SKA3: variants seen among roughly 807,000 people sequenced by gnomAD.
SKA3 encodes spindle and kinetochore associated complex subunit 3.
In SKA3, 39 loss-of-function variants were observed where a neutral mutation model predicts 44.2. The ratio of observed to expected loss-of-function variants is 0.88; its 90% CI spans 0.68 to 1.15. The LOEUF is 1.15. Ranked by LOEUF, SKA3 falls within the 50% of genes most tolerant of loss-of-function variation. The pLI, the probability that SKA3 is intolerant of heterozygous loss-of-function variation, is 0.00. For missense variants in SKA3, 511 were observed against 485.8 expected (o/e 1.05, Z -0.49); for synonymous variants, 192 against 172.0 (o/e 1.12, Z -0.91).
In SKA3 at chr13:21,156,824, GC is replaced by G. The variant is rs1870147132; in HGVS notation, c.1120-1014del. ...GCCTGTAATCCCAGCACTTTGGGAG[GC>G]CGAGGCGGGTGGATCATGAGGTCAG... On this transcript the variant is annotated intron_variant, in intron 7 of 8. Transcript: ENST00000314759. 5.6e-4 allele frequency among the ~76,000 whole-genome samples: 2 copies of G among 3,558 alleles called. 1 individual carries two copies. The highest frequency in any genetic ancestry group is 1.7e-3 in the Non-Finnish European group (2 of 1,144). 2.3% of individuals were successfully genotyped at this position (3,558 alleles called of 152,430 possible). A position where few individuals can be genotyped will look rare whatever the true frequency, so the allele number is the denominator to read the frequency against.
intron 5 of SKA3, 119 bp from the exon 6 acceptor site, chr13:21,160,106 G>T: frequency 1.8e-6 from 1 of 555,364 alleles, no homozygotes; most frequent in Non-Finnish European, 2.9e-6. Context: ...ATTCAGCAAG[G>T]ATGCAAGAGT....
chr13:21,168,143 T>C lies in SKA3; in HGVS notation c.588A>G (p.Ser196=), dbSNP rs773361619. The change falls in exon 4 of 9, where the codon TCA becomes TCG. Residue 196 remains serine (S), a synonymous_variant. Coordinates refer to ENST00000314759, the MANE Select transcript of SKA3 (RefSeq NM_145061.6). ...PVIVTPPTKQ[S]LVKVLKTPKC... ...TTGGAGTTTTTAGTACTTTTACTAG[T>C]GATTGTTTGGTAGGTGGGGTTACAA... 1.9e-6 allele frequency: 3 copies of C among 1,614,106 alleles called. No homozygotes were observed.
rs142890023 is a variant in SKA3 at position 21,155,744 on chromosome 13, C to T, written c.1187G>A (p.Arg396Lys). Reference protein sequence around the residue: ...IAIKAVPPSKRFLKHGQNIRD... With the variant: ...IAIKAVPPSKKFLKHGQNIRD... Reference sequence around the variant, plus strand: ...GATGTTCTGTCCATGTTTAAGGAACCTTTTACTGGGTGGCACTGCTTTAAT... The same window carrying T: ...GATGTTCTGTCCATGTTTAAGGAACTTTTTACTGGGTGGCACTGCTTTAAT... Residue 396 changes from arginine to lysine, a missense_variant, in exon 8 of 9, where the codon AGG (arginine) becomes AAG (lysine). Physicochemically the swap from Arg to Lys is conservative, Grantham distance 26. Transcript: ENST00000314759. 3.7e-6 allele frequency: 6 copies of T among 1,611,452 alleles called. No individual in the cohort carries two copies. The highest frequency in any genetic ancestry group is 4.2e-6 in the Non-Finnish European group (5 of 1,178,910).
chr13:21,153,874 G>A lies in SKA3; in HGVS notation c.*1276C>T, dbSNP rs1019022547. 5 of 152,166 alleles carry A rather than the reference G, an allele frequency of 3.3e-5. No individual in the cohort carries two copies. Among genetic ancestry groups the A allele is most frequent in the South Asian group, 2.1e-4 (1 of 4,832 alleles). The allele number at this position is 152,166 out of a possible 1,614,324, so 9.4% of individuals were successfully genotyped here. A position where few individuals can be genotyped will look rare whatever the true frequency, so the allele number is the denominator to read the frequency against. On this transcript the variant is annotated 3_prime_UTR_variant, in exon 9 of 9. Transcript: ENST00000314759. ...TTTCAGAGTCAATGGCATACATAAG[G>A]CTGACTACAGCTTTACTTTGAAAAA...
At chr13:21,169,398 AC>A (rs1870913263) in intron 3 of SKA3, among the ~76,000 whole-genome samples, 2 of 151,478 alleles carry the variant, frequency 1.3e-5, no homozygotes, top group Admixed American at 1.3e-4. Flanking sequence ...ACAGGGTTTC[AC>A]CATGTTGCCT....
chr13:21,172,342 A>C lies in SKA3; in HGVS notation c.328T>G (p.Ser110Ala). ...TATAAAATGAAGTTATTCAAACCTG[A>C]ATTTTTCTTGACACGTGGACTATAT... ...YGYSPRVKKN[S>A]VHEQEAINSD... is the part of the protein sequence containing the mutation. Residue 110 changes from serine (S) to alanine (A), a missense_variant, in exon 3 of 9, where the codon TCA becomes GCA. Transcript: ENST00000314759. The C allele has an allele frequency of 1.3e-6, 2 of 1,539,076 alleles. 1 individual carries two copies. The highest frequency in any genetic ancestry group is 2.5e-5 in the South Asian group (2 of 80,884).
chr13:21,173,566 T>C (rs1450777661), intron 1 of SKA3, among the ~76,000 whole-genome samples: 9 of 152,178 alleles, frequency 5.9e-5, no homozygotes, highest in Non-Finnish European at 1.2e-4. Context: ...CACCTTACCC[T>C]GATTTCTAAC....
At chr13:21,155,926 G>A (rs1244885552) in intron 7 of SKA3, 115 bp from the exon 8 acceptor site, 4 of 651,146 alleles carry the variant, frequency 6.1e-6, no homozygotes, top group Admixed American at 2.6e-5. Flanking sequence ...GGTGGCTCAC[G>A]CCTGCAGTTC....
At chr13:21,175,825 T>C (rs1871473561) in intron 1 of SKA3, among the ~76,000 whole-genome samples, 1 of 152,208 alleles carries the variant, frequency 6.6e-6, no homozygotes, top group Non-Finnish European at 1.5e-5. Flanking sequence ...GTTGGCAACA[T>C]GGTTTAGCGG....
Position 21,158,586 on chromosome 13 carries a change from A to C in SKA3, c.916-461T>G, listed in dbSNP as rs891144332. Among the ~76,000 whole-genome samples, 14 of 152,280 alleles carry C rather than the reference A, an allele frequency of 9.2e-5. No individual in the cohort carries two copies. The Middle Eastern group carries it at 0.01, about 111-fold the overall frequency. On this transcript the variant is annotated intron_variant, in intron 6 of 8. Transcript: ENST00000314759. ...CAGTGAGCCAAGATCGCGCCACTGC[A>C]CTCCAGCCTGGGTGACAGAGTGAGA...
rs534102002 is a variant in SKA3, at chr13:21,154,119, G to A, written c.*1031C>T. The A allele has an allele frequency of 7.2e-5, 11 of 152,290 alleles. No homozygotes were observed. In the South Asian group the frequency reaches 8.3e-4, roughly 11 times the overall value. 9.4% of individuals were successfully genotyped at this position (152,290 alleles called of 1,614,324 possible). A position where few individuals can be genotyped will look rare whatever the true frequency, so the allele number is the denominator to read the frequency against. ...TACTGCATCAAATTCCCAAAACTAC[G>A]CCTTTGAAGTAAGTTGACATAATAC... is the stretch of plus-strand genomic sequence containing the variant. On this transcript the variant is annotated 3_prime_UTR_variant, in exon 9 of 9. Coordinates refer to ENST00000314759, the MANE Select transcript of SKA3 (RefSeq NM_145061.6).
chr13:21,176,529 C>T lies in SKA3; in HGVS notation c.-52G>A. 1 of 1,010,340 alleles carries T rather than the reference C, an allele frequency of 9.9e-7. No individual in the cohort carries two copies. 62.6% of individuals were successfully genotyped at this position (1,010,340 alleles called of 1,614,324 possible). ...GGCGTACGCAGACCCCACCGCTCAG[C>T]TCACAGCCTCCCGCCACTAGTTTGA... On this transcript the variant is annotated 5_prime_UTR_variant, in exon 1 of 9. Coordinates refer to ENST00000314759, the MANE Select transcript of SKA3 (RefSeq NM_145061.6).
At chr13:21,173,240 G>A (rs973386176) in intron 1 of SKA3, among the ~76,000 whole-genome samples, 2 of 152,098 alleles carry the variant, frequency 1.3e-5, no homozygotes, top group African/African-American at 4.8e-5. Context: ...TCCCCACAAG[G>A]GTAAACTTTA....
chr13:21,175,103 G>A (rs962488401), intron 1 of SKA3, among the ~76,000 whole-genome samples: 1 of 151,538 alleles, frequency 6.6e-6, no homozygotes, highest in Non-Finnish European at 1.5e-5. Flanking sequence ...CAGCCTCCGA[G>A]TAGCTGGGAT....
Position 21,158,144 on chromosome 13 carries a change from C to T in SKA3, c.916-19G>A. The T allele has an allele frequency of 1.8e-6, 2 of 1,099,658 alleles. No individual in the cohort carries two copies. Among genetic ancestry groups the T allele is most frequent in the Non-Finnish European group, 2.5e-6 (2 of 800,230 alleles). The allele number at this position is 1,099,658 out of a possible 1,614,324, so 68.1% of individuals were successfully genotyped here. ...TGGATACCTATTGAATAAAAATAGA[C>T]CATTAAATTATGGTAATATAACATA... is the stretch of plus-strand genomic sequence containing the variant. On this transcript the variant is annotated intron_variant, in intron 6 of 8. Coordinates refer to ENST00000314759, the MANE Select transcript of SKA3 (RefSeq NM_145061.6).
At chr13:21,159,150 A>G (rs940047772) in intron 6 of SKA3, among the ~76,000 whole-genome samples, 3 of 152,238 alleles carry the variant, frequency 2.0e-5, no homozygotes, top group Non-Finnish European at 2.9e-5. Context: ...TCAGTGCTCA[A>G]TAACGTGATT....
At chr13:21,175,004 G>A (rs1031651487) in intron 1 of SKA3, among the ~76,000 whole-genome samples, 1 of 152,070 alleles carries the variant, frequency 6.6e-6, no homozygotes, top group African/African-American at 2.4e-5. Flanking sequence ...TTCTTAGATG[G>A]AGTCTAAGAT....
chr13:21,171,252 C>T (rs757427124), intron 3 of SKA3, among the ~76,000 whole-genome samples: 15 of 152,134 alleles, frequency 9.9e-5, no homozygotes, highest in Non-Finnish European at 1.8e-4. Context: ...CACACATCCT[C>T]AATACATACT....
rs962880390 is a variant in SKA3 at position 21,154,435 on chromosome 13, G to C, written c.*715C>G. 1 of 152,860 alleles carries C rather than the reference G, an allele frequency of 6.5e-6. No homozygotes were observed. Among genetic ancestry groups the C allele is most frequent in the African/African-American group, 2.4e-5 (1 of 41,432 alleles). 9.5% of individuals were successfully genotyped at this position (152,860 alleles called of 1,614,324 possible). On this transcript the variant is annotated 3_prime_UTR_variant, in exon 9 of 9. Coordinates refer to ENST00000314759, the MANE Select transcript of SKA3 (RefSeq NM_145061.6). ...GAGAGAGTGAAATTCAGGGTCTACT[G>C]GGTGTCCAAGCTGCAGAGTGGAGCG...
Sources: allele counts gnomAD v4.1 joint callset (sites outside exome capture counted in the v4.1 genomes callset), GRCh38; gene constraint gnomAD v4.1.1; transcripts MANE v1.5; gene names NCBI Gene and HGNC (gene_info 2026-07-23, HGNC 2026-07-21).